The following CNTN5 variants were observed in gnomAD, a reference collection of about 807,000 sequenced individuals.
CNTN5 encodes the protein contactin 5.
Under a neutral mutation model 129.1 loss-of-function variants are expected in CNTN5, and 77 were observed. That is an observed-to-expected ratio of 0.60 (90% CI 0.50 to 0.72). The LOEUF is 0.72. CNTN5 is among the 30% of genes least tolerant of loss of function. The probability of loss-of-function intolerance (pLI) is 0.00; values close to 1 mark genes in which losing one functional copy is unlikely to be tolerated. For synonymous variants in CNTN5, 509 were observed against 465.6 expected, an observed-to-expected ratio of 1.09 and a Z score of -1.20; for missense variants, 1,478 against 1,328.8, an observed-to-expected ratio of 1.11 and a Z score of -1.75.
At chr11:100,190,910 G>C (rs1216295727) in intron 13 of CNTN5, among the ~76,000 whole-genome samples, 1 of 151,890 alleles carries the variant, frequency 6.6e-6, no homozygotes, top group Non-Finnish European at 1.5e-5. Context: ...AAAATATCTT[G>C]TTACTCCTTA....
At chr11:100,007,070 CA>C (rs1397893204) in intron 9 of CNTN5, among the ~76,000 whole-genome samples, 1 of 152,112 alleles carries the variant, frequency 6.6e-6, no homozygotes, top group East Asian at 1.9e-4. Flanking sequence ...TGTCAATGGA[CA>C]GTATTATTTT....
At chr11:99,583,850 A>C (rs1949702007) in intron 3 of CNTN5, among the ~76,000 whole-genome samples, 2 of 151,634 alleles carry the variant, frequency 1.3e-5, no homozygotes, top group Non-Finnish European at 2.9e-5. Context: ...ACTGTCTTGC[A>C]CTCCCCAGTG....
chr11:99,863,262 G>A (rs1481872639), intron 6 of CNTN5, among the ~76,000 whole-genome samples: 9 of 152,012 alleles, frequency 5.9e-5, no homozygotes, highest in Admixed American at 5.9e-4. Context: ...CTCCATAGAA[G>A]GACAAAGTCA....
intron 3 of CNTN5, among the ~76,000 whole-genome samples, chr11:99,601,203 A>G (rs1950301398): frequency 6.6e-6 from 1 of 152,186 alleles, no homozygotes; most frequent in Admixed American, 6.5e-5. Context: ...ACTTTATTTA[A>G]TCTTTACTCA....
chr11:99,373,059 A>T (rs951726702), intron 2 of CNTN5, among the ~76,000 whole-genome samples: 1 of 141,378 alleles, frequency 7.1e-6, no homozygotes, highest in South Asian at 2.2e-4. Context: ...AACTACAAAA[A>T]TTAGCGGGGC....
At chr11:99,238,325 C>T (rs371305768) in intron 1 of CNTN5, among the ~76,000 whole-genome samples, 26 of 151,960 alleles carry the variant, frequency 1.7e-4, no homozygotes, top group Admixed American at 1.7e-3. Flanking sequence ...AAACATGGGG[C>T]GTTTGACCTT....
At chr11:99,684,231 A>G (rs1187297682) in intron 3 of CNTN5, among the ~76,000 whole-genome samples, 40 of 151,856 alleles carry the variant, frequency 2.6e-4, no homozygotes, top group Admixed American at 2.6e-3. Context: ...ATAGTTTTCT[A>G]TCGAAAAGTC....
intron 3 of CNTN5, among the ~76,000 whole-genome samples, chr11:99,765,211 G>A (rs1485117412): frequency 6.6e-6 from 1 of 151,750 alleles, no homozygotes; most frequent in Non-Finnish European, 1.5e-5. Context: ...GTTTAAGTGG[G>A]ATATAAAGTA....
intron 6 of CNTN5, among the ~76,000 whole-genome samples, chr11:99,893,726 T>A (rs17134623): frequency 2.0e-5 from 3 of 152,106 alleles, no homozygotes; most frequent in African/African-American, 4.8e-5. Flanking sequence ...GTTCTGATAA[T>A]AAAATTAGCA....
chr11:99,843,462 C>T (rs1378843572), intron 4 of CNTN5, among the ~76,000 whole-genome samples: 1 of 151,956 alleles, frequency 6.6e-6, no homozygotes, highest in African/African-American at 2.4e-5. Context: ...TTTTTTAGCT[C>T]AAATTTCCTG....
At chr11:100,047,973 T>C (rs1170011460) in intron 9 of CNTN5, among the ~76,000 whole-genome samples, 1 of 151,890 alleles carries the variant, frequency 6.6e-6, no homozygotes, top group Non-Finnish European at 1.5e-5. Flanking sequence ...CTACTAAAAA[T>C]ACAAAAAATT....
At chr11:99,802,724 CT>C (rs1275398104) in intron 3 of CNTN5, among the ~76,000 whole-genome samples, 1 of 152,112 alleles carries the variant, frequency 6.6e-6, no homozygotes, top group Non-Finnish European at 1.5e-5. Context: ...CTGTGAATGC[CT>C]GGAGACCTAC....
At chr11:100,346,027 CAT>C (rs1952270973) in intron 23 of CNTN5, among the ~76,000 whole-genome samples, 1 of 152,110 alleles carries the variant, frequency 6.6e-6, no homozygotes, top group South Asian at 2.1e-4. Context: ...GGTCAATAAA[CAT>C]GTGCCACTTT....
chr11:100,184,614 C>G (rs767512461), intron 13 of CNTN5, among the ~76,000 whole-genome samples: 6 of 152,074 alleles, frequency 3.9e-5, no homozygotes, highest in Admixed American at 1.3e-4. Flanking sequence ...AGAGAGGAGC[C>G]CTGCCTGGCC....
intron 9 of CNTN5, among the ~76,000 whole-genome samples, chr11:100,048,399 C>A (rs1942795741): frequency 6.6e-6 from 1 of 152,028 alleles, no homozygotes; most frequent in Non-Finnish European, 1.5e-5. Flanking sequence ...ACTTCTCAAC[C>A]TCTATAATTG....
chr11:99,646,693 A>G (rs539403981), intron 3 of CNTN5, among the ~76,000 whole-genome samples: 2 of 151,994 alleles, frequency 1.3e-5, no homozygotes, highest in South Asian at 4.1e-4. Flanking sequence ...CCTATTAAGT[A>G]TATTGCCCAT....
At chr11:99,760,844 G>C (rs1228375) in intron 3 of CNTN5, among the ~76,000 whole-genome samples, 1 of 151,812 alleles carries the variant, frequency 6.6e-6, no homozygotes, top group Non-Finnish European at 1.5e-5. Flanking sequence ...CACACACACA[G>C]AGGTTTGTTT....
intron 3 of CNTN5, among the ~76,000 whole-genome samples, chr11:99,557,425 T>C (rs1467999094): frequency 1.3e-5 from 2 of 151,272 alleles, no homozygotes; most frequent in African/African-American, 4.8e-5. Flanking sequence ...AACAAAAATA[T>C]CTAATTGATT....
At chr11:99,897,381 G>T (rs563015712) in intron 6 of CNTN5, among the ~76,000 whole-genome samples, 1 of 152,106 alleles carries the variant, frequency 6.6e-6, no homozygotes, top group Non-Finnish European at 1.5e-5. Flanking sequence ...AAGAAAAAAT[G>T]TTAAAGGCGG....
Sources: allele counts gnomAD v4.1 joint callset (sites outside exome capture counted in the v4.1 genomes callset), GRCh38; gene constraint gnomAD v4.1.1; transcripts MANE v1.5; gene names NCBI Gene and HGNC (gene_info 2026-07-23, HGNC 2026-07-21).